The following MAGI1 variants were observed in gnomAD, a reference collection of about 807,000 sequenced individuals.
MAGI1 encodes the protein membrane-associated guanylate kinase, WW and PDZ domain-containing protein 1.
MAGI1 carries 58 observed loss-of-function variants against 139.9 expected under a neutral mutation model. The ratio of observed to expected loss-of-function variants is 0.41; its 90% confidence interval spans 0.34 to 0.52. The LOEUF (loss-of-function observed/expected upper bound fraction) is 0.52. Among genes scored for constraint, MAGI1 ranks in the 20% least tolerant of loss-of-function variants. MAGI1 has a pLI of 0.12. For missense variants in MAGI1, 1,874 were observed against 1,901.6 expected (o/e 0.99, Z 0.27); for synonymous variants, 812 against 737.9 (o/e 1.10, Z -1.63).
intron 5 of MAGI1, among the ~76,000 whole-genome samples, chr3:65,461,463 TCTTGG>T (rs1448259685): frequency 3.4e-5 from 5 of 145,904 alleles, no homozygotes; most frequent in Admixed American, 2.1e-4. Context: ...GATCCGCCCA[TCTTGG>T]CCTCCCAATG....
chr3:65,740,459 C>A (rs1348111651), intron 1 of MAGI1, among the ~76,000 whole-genome samples: 1 of 152,172 alleles, frequency 6.6e-6, no homozygotes, highest in Non-Finnish European at 1.5e-5. Flanking sequence ...ACCTGGAAAG[C>A]CCAAATCTGA....
chr3:65,529,382 C>A (rs905846946), intron 2 of MAGI1, among the ~76,000 whole-genome samples: 1 of 152,190 alleles, frequency 6.6e-6, no homozygotes, highest in South Asian at 2.1e-4. Flanking sequence ...TCCTCTCCCC[C>A]AAGTTCCTGG....
intron 1 of MAGI1, among the ~76,000 whole-genome samples, chr3:65,879,081 C>G (rs1559970602): frequency 6.6e-6 from 1 of 151,976 alleles, no homozygotes; most frequent in African/African-American, 2.4e-5. Context: ...AAACAACCAC[C>G]AAAAAGACTT....
At chr3:65,477,717 T>TATTATTATTATTATTATTA (rs370763213) in intron 4 of MAGI1, among the ~76,000 whole-genome samples, 1 of 124,416 alleles carries the variant, frequency 8.0e-6, no homozygotes, top group Admixed American at 8.1e-5. Context: ...TATTATTTTT[T>TATTATTATTATTATTATTA]TTTTTTTATT....
chr3:65,978,621 C>CTTTTTTTT (rs373662388), intron 1 of MAGI1, among the ~76,000 whole-genome samples: 6 of 129,156 alleles, frequency 4.6e-5, no homozygotes, highest in South Asian at 2.5e-4. Context: ...CTCAAAATTT[C>CTTTTTTTT]TTTTTTTTTT....
intron 1 of MAGI1, among the ~76,000 whole-genome samples, chr3:65,952,892 G>A (rs1389698677): frequency 6.6e-6 from 1 of 152,178 alleles, no homozygotes; most frequent in African/African-American, 2.4e-5. Context: ...AGTATTTCCT[G>A]TTGTTTGTCT....
intron 2 of MAGI1, among the ~76,000 whole-genome samples, chr3:65,500,788 T>G (rs1452181248): frequency 6.6e-6 from 1 of 152,226 alleles, no homozygotes; most frequent in Non-Finnish European, 1.5e-5. Context: ...TTGTCAATAT[T>G]CCATGATATC....
intron 2 of MAGI1, among the ~76,000 whole-genome samples, chr3:65,496,067 A>C (rs938503702): frequency 1.3e-5 from 2 of 152,146 alleles, no homozygotes; most frequent in Non-Finnish European, 2.9e-5. Flanking sequence ...TCAGAGACAG[A>C]GTCTCGCTCT....
intron 1 of MAGI1, among the ~76,000 whole-genome samples, chr3:65,827,771 G>A (rs190936502): frequency 1.3e-5 from 2 of 151,966 alleles, no homozygotes; most frequent in African/African-American, 2.4e-5. Context: ...TTACAGAGAG[G>A]GATATTTTTT....
intron 22 of MAGI1, chr3:65,359,359 G>C (rs1940547939): frequency 6.6e-6 from 9 of 1,359,954 alleles, no homozygotes; most frequent in Non-Finnish European, 8.5e-6. Flanking sequence ...AATCGGAACA[G>C]TGACATTTTT....
intron 3 of MAGI1, among the ~76,000 whole-genome samples, chr3:65,489,162 G>A (rs1951821805): frequency 6.6e-6 from 1 of 152,086 alleles, no homozygotes; most frequent in Admixed American, 6.6e-5. Flanking sequence ...CTACCTCATA[G>A]GCTTGTTAGG....
chr3:65,579,663 T>A (rs906428750), intron 2 of MAGI1, among the ~76,000 whole-genome samples: 1 of 151,924 alleles, frequency 6.6e-6, no homozygotes, highest in Non-Finnish European at 1.5e-5. Context: ...CTGGCCAACA[T>A]AGTGAAACCC....
chr3:65,519,626 C>T (rs2078064501), intron 2 of MAGI1, among the ~76,000 whole-genome samples: 1 of 152,118 alleles, frequency 6.6e-6, no homozygotes, highest in South Asian at 2.1e-4. Flanking sequence ...CCTCGTGATC[C>T]ACCCACTTTG....
At chr3:65,597,933 G>GA in intron 2 of MAGI1, 1 of 450,004 alleles carries the variant, frequency 2.2e-6, no homozygotes, top group Non-Finnish European at 4.5e-6. Flanking sequence ...GGTGGGGGGG[G>GA]GGTGGGACCG....
At chr3:65,584,524 G>A (rs1032071928) in intron 2 of MAGI1, among the ~76,000 whole-genome samples, 1 of 152,162 alleles carries the variant, frequency 6.6e-6, no homozygotes, top group Admixed American at 6.5e-5. Context: ...CATTCAAGTG[G>A]ACGAGAAACC....
At chr3:65,897,136 CT>C (rs2061002991) in intron 1 of MAGI1, among the ~76,000 whole-genome samples, 1 of 152,062 alleles carries the variant, frequency 6.6e-6, no homozygotes. Context: ...TTTATTTGTA[CT>C]ATATTTAGTA....
chr3:65,499,106 T>TA, intron 2 of MAGI1: 4 of 832,426 alleles, frequency 4.8e-6, no homozygotes, highest in Non-Finnish European at 5.8e-6. Context: ...AAAAACTATC[T>TA]AGTCAACTCC....
intron 1 of MAGI1, among the ~76,000 whole-genome samples, chr3:66,026,372 G>A (rs934702081): frequency 2.0e-5 from 3 of 151,836 alleles, no homozygotes; most frequent in African/African-American, 4.8e-5. Flanking sequence ...AAATCATCAC[G>A]GAAAAGTCAG....
At chr3:65,913,391 C>A (rs1477059334) in intron 1 of MAGI1, among the ~76,000 whole-genome samples, 3 of 152,148 alleles carry the variant, frequency 2.0e-5, no homozygotes, top group Non-Finnish European at 4.4e-5. Context: ...CCCAACCCCC[C>A]CAAAAAATCC....
Sources: gnomAD v4.1 joint callset for allele counts (sites outside exome capture counted in the v4.1 genomes callset) on GRCh38, gnomAD v4.1.1 for gene constraint, MANE v1.5 for transcripts, NCBI Gene and HGNC (gene_info 2026-07-23, HGNC 2026-07-21) for gene names.